MFHAS1: variants seen among roughly 807,000 people sequenced by gnomAD.
MFHAS1 encodes the protein malignant fibrous histiocytoma-amplified sequence 1.
Under a neutral mutation model 70.4 loss-of-function variants are expected in MFHAS1, and 50 were observed. The ratio of observed to expected loss-of-function variants is 0.71; its 90% CI spans 0.57 to 0.90. The LOEUF (loss-of-function observed/expected upper bound fraction) is 0.90. Ranked by LOEUF, MFHAS1 falls within the 40% of genes least tolerant of loss-of-function variation. MFHAS1 has a pLI of 0.00. For missense variants in MFHAS1, 1,795 were observed against 1,347.6 expected (o/e 1.33, Z -5.20); for synonymous variants, 952 against 620.0 (o/e 1.54, Z -7.96).
At position 8,890,807 on chromosome 8, in the gene MFHAS1, T is replaced by A; in HGVS notation, c.2252A>T (p.Lys751Met). 1 of 1,614,190 alleles carries A rather than the reference T, an allele frequency of 6.2e-7. No individual in the cohort carries two copies. The highest frequency in any genetic ancestry group is 8.5e-7 in the Non-Finnish European group (1 of 1,180,034). ...FQRDPSLLLH[K>M]LLLGTSGEGK... ...CTCTCCACTGGTCCCTAGGAGCAGC[T>A]TATGCAGCAGCAAAGAGGGATCCCT... The change falls in exon 1 of 3, where the codon AAG (lysine) becomes ATG (methionine). Residue 751 changes from lysine (K) to methionine (M), a missense_variant. By Grantham distance (95) the Lys-to-Met change is moderately conservative (BLOSUM62 -1). Transcript: ENST00000276282.
intron 1 of MFHAS1, 144 bp from the exon 2 acceptor site, chr8:8,797,635 C>A: frequency 3.2e-6 from 3 of 927,840 alleles, no homozygotes; most frequent in Non-Finnish European, 4.7e-6. Context: ...AATGTGCAAC[C>A]AAGAACAGCA....
chr8:8,891,810 G>T lies in MFHAS1; in HGVS notation c.1249C>A (p.His417Asn). The T allele has an allele frequency of 1.2e-6, 2 of 1,613,316 alleles. No individual in the cohort carries two copies. Among genetic ancestry groups the T allele is most frequent in the Non-Finnish European group, 1.7e-6 (2 of 1,179,996 alleles). ...QPRLKLLLMG[H>N]KAAGKTLLRH... is the part of the protein sequence containing the mutation. ...AGCAAAGTCTTTCCTGCAGCCTTAT[G>T]CCCCATCAGGAGCAGCTTGAGCCGG... Residue 417 changes from histidine to asparagine, a missense_variant, in exon 1 of 3, where the codon CAT (histidine) becomes AAT (asparagine). His to Asn is a moderately conservative substitution (Grantham distance 68). Coordinates refer to ENST00000276282, the MANE Select transcript of MFHAS1 (RefSeq NM_004225.3). The surrounding 1 kb of genome is among the most constrained non-coding windows in gnomAD (Gnocchi z 5.4).
intron 1 of MFHAS1, among the ~76,000 whole-genome samples, chr8:8,877,997 C>G (rs561214455): frequency 6.6e-6 from 1 of 152,168 alleles, no homozygotes; most frequent in Non-Finnish European, 1.5e-5. Context: ...ACTTGAAATG[C>G]TCCACCCACC....
intron 1 of MFHAS1, among the ~76,000 whole-genome samples, chr8:8,841,347 C>T (rs550565660): frequency 2.0e-4 from 31 of 152,108 alleles, no homozygotes; most frequent in Admixed American, 1.3e-3. Flanking sequence ...TGGTGGCGCA[C>T]GCCTGTAATC....
At chr8:8,848,852 G>A (rs961978694) in intron 1 of MFHAS1, among the ~76,000 whole-genome samples, 6 of 152,120 alleles carry the variant, frequency 3.9e-5, no homozygotes, top group African/African-American at 9.7e-5. Flanking sequence ...GTCGGTTTCC[G>A]TTCTCAAAGC....
At position 8,785,290 on chromosome 8, in the gene MFHAS1, G is replaced by A. The variant is rs1210607282; in HGVS notation, c.*732C>T. ...TATAGGCAGGGACCTTCATTGAAAA[G>A]AAGGGAAGGGACACTGTCTTAAATG... On this transcript the variant is annotated 3_prime_UTR_variant, in exon 3 of 3. Coordinates refer to ENST00000276282, the MANE Select transcript of MFHAS1 (RefSeq NM_004225.3). 2 of 152,124 alleles carry A rather than the reference G, an allele frequency of 1.3e-5. No individual in the cohort carries two copies. Among genetic ancestry groups the A allele is most frequent in the African/African-American group, 4.8e-5 (2 of 41,418 alleles). The allele number at this position is 152,124 out of a possible 1,614,324, so 9.4% of individuals were successfully genotyped here.
chr8:8,822,462 A>AG (rs200916362), intron 1 of MFHAS1, among the ~76,000 whole-genome samples: 1 of 145,184 alleles, frequency 6.9e-6, no homozygotes, highest in Non-Finnish European at 1.5e-5. Context: ...GGACCAAGTC[A>AG]GGGGGGATTG....
At chr8:8,846,055 C>T (rs868621874) in intron 1 of MFHAS1, among the ~76,000 whole-genome samples, 10 of 152,014 alleles carry the variant, frequency 6.6e-5, no homozygotes, top group South Asian at 2.1e-4. Context: ...GAGGTTGAGA[C>T]CAGCCTGGAC....
At chr8:8,795,155 C>A (rs2117253653) in intron 2 of MFHAS1, among the ~76,000 whole-genome samples, 1 of 152,208 alleles carries the variant, frequency 6.6e-6, no homozygotes, top group Middle Eastern at 3.4e-3. Context: ...CTGTTTCATA[C>A]CTTGCTGGTT....
chr8:8,793,604 G>C (rs531648117), intron 2 of MFHAS1, among the ~76,000 whole-genome samples: 4 of 152,182 alleles, frequency 2.6e-5, no homozygotes, highest in Non-Finnish European at 5.9e-5. Context: ...CTCCTGATTT[G>C]AACAGTGAGT....
Position 8,891,130 on chromosome 8 carries a change from C to G in MFHAS1, c.1929G>C (p.Leu643=), listed in dbSNP as rs1460361248. 5.6e-6 allele frequency: 9 copies of G among 1,613,712 alleles called. No individual in the cohort carries two copies. In the African/African-American group the frequency reaches 1.2e-4, roughly 22 times the overall value. Residue 643 remains leucine, a synonymous_variant, in exon 1 of 3, where the codon CTG becomes CTC. Coordinates refer to ENST00000276282, the MANE Select transcript of MFHAS1 (RefSeq NM_004225.3). The surrounding 1 kb of genome is among the most constrained non-coding windows in gnomAD (Gnocchi z 5.4). ...AGATCTCTCGGTGCTCAGCAACTGACAGCAACTTGTCCCGAAGGCGTCGTA... is the reference window on the plus strand; with the variant it reads ...AGATCTCTCGGTGCTCAGCAACTGAGAGCAACTTGTCCCGAAGGCGTCGTA... The part of the protein sequence containing the change: ...RHLRRLRDKL[L]SVAEHREIFP...
chr8:8,845,008 G>A (rs1385970169), intron 1 of MFHAS1, among the ~76,000 whole-genome samples: 1 of 152,154 alleles, frequency 6.6e-6, no homozygotes. Context: ...CATTTTTGTT[G>A]GAGTAAGAGG....
intron 1 of MFHAS1, among the ~76,000 whole-genome samples, chr8:8,819,120 C>T (rs1013555637): frequency 1.0e-3 from 54 of 51,542 alleles, no homozygotes; most frequent in African/African-American, 2.1e-3. Flanking sequence ...AAAAAAGAAT[C>T]AAACAGCTCT....
chr8:8,842,447 A>G (rs947824957), intron 1 of MFHAS1, among the ~76,000 whole-genome samples: 12 of 152,018 alleles, frequency 7.9e-5, no homozygotes, highest in Non-Finnish European at 1.6e-4. Flanking sequence ...CAGCCTCCCA[A>G]AGTGCTGGGA....
chr8:8,891,346 G>A lies in MFHAS1; in HGVS notation c.1713C>T (p.Arg571=). 1 of 1,611,146 alleles carries A rather than the reference G, an allele frequency of 6.2e-7. No individual in the cohort carries two copies. Among genetic ancestry groups the A allele is most frequent in the Non-Finnish European group, 8.5e-7 (1 of 1,180,030 alleles). The change falls in exon 1 of 3, where the codon CGC becomes CGT. Residue 571 remains arginine (R), a synonymous_variant. Transcript: ENST00000276282. The surrounding 1 kb of genome is among the most constrained non-coding windows in gnomAD (Gnocchi z 5.4). ...QEKHDAEGLS[R]LAKVVDEALA... Reference sequence around the variant, plus strand: ...GTGCCTCGTCCACCACCTTGGCCAAGCGGCTCAGTCCCTCCGCGTCGTGCT... The same window carrying A: ...GTGCCTCGTCCACCACCTTGGCCAAACGGCTCAGTCCCTCCGCGTCGTGCT...
intron 1 of MFHAS1, among the ~76,000 whole-genome samples, chr8:8,823,892 T>C (rs549833774): frequency 7.8e-6 from 1 of 128,616 alleles, no homozygotes; most frequent in South Asian, 3.8e-4. Flanking sequence ...GTGCATAATG[T>C]ATGAGTGAGC....
intron 1 of MFHAS1, among the ~76,000 whole-genome samples, chr8:8,883,916 G>A (rs1010929384): frequency 6.6e-6 from 1 of 151,586 alleles, no homozygotes; most frequent in Non-Finnish European, 1.5e-5. Context: ...AAAAAATACT[G>A]GTTGGGTATG....
At chr8:8,816,843 G>C (rs1806765936) in intron 1 of MFHAS1, among the ~76,000 whole-genome samples, 1 of 152,168 alleles carries the variant, frequency 6.6e-6, no homozygotes, top group African/African-American at 2.4e-5. Flanking sequence ...TGTAAGAGCT[G>C]ACATTTAGGG....
At chr8:8,880,778 G>C (rs1809490360) in intron 1 of MFHAS1, among the ~76,000 whole-genome samples, 1 of 151,552 alleles carries the variant, frequency 6.6e-6, no homozygotes, top group South Asian at 2.1e-4. Context: ...TCCGCCTCTT[G>C]GGTTCAAGTG....
Sources: gnomAD v4.1 joint callset for allele counts (sites outside exome capture counted in the v4.1 genomes callset) on GRCh38, gnomAD v4.1.1 for gene constraint, Gnocchi (gnomAD v3.1) non-coding constraint, MANE v1.5 for transcripts, NCBI Gene and HGNC (gene_info 2026-07-23, HGNC 2026-07-21) for gene names.